The following LIPH variants were observed in gnomAD, a reference collection of about 807,000 sequenced individuals.
LIPH encodes lipase H.
In LIPH, 32 loss-of-function variants were observed where a neutral mutation model predicts 47.6. That is an observed-to-expected ratio of 0.67 (90% CI 0.51 to 0.90). The LOEUF is 0.90. Ranked by LOEUF, LIPH falls within the 40% of genes least tolerant of loss-of-function variation. The pLI, the probability that LIPH is intolerant of heterozygous loss-of-function variation, is 0.00. For missense variants in LIPH, 497 were observed against 541.4 expected (o/e 0.92, Z 0.81); for synonymous variants, 190 against 195.6 (o/e 0.97, Z 0.24).
In LIPH at chr3:185,535,073, T is replaced by C. The variant is rs1560167771; in HGVS notation, c.109A>G (p.Thr37Ala). ...AGCATCAGCCTCACATTTAGTCCCG[T>C]ACCAACCACTGCACTGTGAAAGCTC... ...RLSFHSAVVG[T>A]GLNVRLMLYT... is the part of the protein sequence containing the mutation. Residue 37 changes from threonine (T) to alanine (A), a missense_variant, in exon 2 of 10, where the codon ACG becomes GCG. Transcript: ENST00000296252. 1.2e-6 allele frequency: 2 copies of C among 1,614,074 alleles called. No individual in the cohort carries two copies. Among genetic ancestry groups the C allele is most frequent in the Non-Finnish European group, 8.5e-7 (1 of 1,179,996 alleles).
chr3:185,535,101 C>G lies in LIPH; in HGVS notation c.81G>C (p.Arg27Ser). Residue 27 changes from arginine (R) to serine (S), a missense_variant, in exon 2 of 10, where the codon AGG becomes AGC. Coordinates refer to ENST00000296252, the MANE Select transcript of LIPH (RefSeq NM_139248.3). ...DAEETCPSFT[R>S]LSFHSAVVGT... Reference sequence around the variant, plus strand: ...CAACCACTGCACTGTGAAAGCTCAGCCTGGTGAATGAAGGACATGTTTCTT... The same window carrying G: ...CAACCACTGCACTGTGAAAGCTCAGGCTGGTGAATGAAGGACATGTTTCTT... 2 of 1,614,166 alleles carry G rather than the reference C, an allele frequency of 1.2e-6. No homozygotes were observed. Among genetic ancestry groups the G allele is most frequent in the Non-Finnish European group, 1.7e-6 (2 of 1,180,040 alleles).
chr3:185,539,404 C>A (rs111983228), intron 1 of LIPH, among the ~76,000 whole-genome samples: 1,426 of 142,454 alleles, frequency 0.01, 26 homozygotes, highest in African/African-American at 0.035. Context: ...CAGTTTCAGT[C>A]TGTTGCCCAG....
intron 3 of LIPH, 28 bp downstream of exon 3, chr3:185,533,543 C>A (rs908035917): frequency 2.8e-5 from 42 of 1,478,452 alleles, no homozygotes; most frequent in Non-Finnish European, 4.0e-5. Context: ...CCCAGGCTAC[C>A]AACCCATGCC....
At position 185,522,623 on chromosome 3, in the gene LIPH, G is replaced by GAAGGA. The variant is rs1230704037; in HGVS notation, c.718+1447_718+1448insTCCTT. On this transcript the variant is annotated intron_variant, in intron 5 of 9. Coordinates refer to ENST00000296252, the MANE Select transcript of LIPH (RefSeq NM_139248.3). ...AAGAAGGAAGGGAGGGAGAGAGAAA[G>GAAGGA]AAAGAAGGAAAAGAAAGAGAGAAAG... 7.7e-5 allele frequency among the ~76,000 whole-genome samples: 10 copies of GAAGGA among 130,656 alleles called. No homozygotes were observed. The South Asian group carries it at 1.9e-3, about 24-fold the overall frequency. 85.7% of individuals were successfully genotyped at this position (130,656 alleles called of 152,430 possible).
intron 7 of LIPH, among the ~76,000 whole-genome samples, chr3:185,516,629 G>T (rs1468174530): frequency 6.6e-6 from 1 of 152,082 alleles, no homozygotes; most frequent in Non-Finnish European, 1.5e-5. Flanking sequence ...TTGCTTTAGA[G>T]CTGGAACTGA....
intron 5 of LIPH, among the ~76,000 whole-genome samples, chr3:185,523,473 C>G (rs1414650278): frequency 6.6e-6 from 1 of 152,112 alleles, no homozygotes; most frequent in Non-Finnish European, 1.5e-5. Context: ...GGCATGATCA[C>G]GGCTCACTGC....
intron 1 of LIPH, among the ~76,000 whole-genome samples, chr3:185,543,978 G>C (rs1720792229): frequency 6.6e-6 from 1 of 150,780 alleles, no homozygotes; most frequent in Non-Finnish European, 1.5e-5. Context: ...AGCCTCCCAT[G>C]TAGCTGAGAT....
intron 1 of LIPH, among the ~76,000 whole-genome samples, chr3:185,542,143 T>C (rs1185415185): frequency 6.6e-6 from 1 of 152,154 alleles, no homozygotes; most frequent in Non-Finnish European, 1.5e-5. Flanking sequence ...TGAACATGTG[T>C]AGAGTGGCGA....
At chr3:185,522,439 AAAGGAAGG>A (rs147923310) in intron 5 of LIPH, among the ~76,000 whole-genome samples, 6 of 151,480 alleles carry the variant, frequency 4.0e-5, no homozygotes, top group Admixed American at 6.6e-5. Flanking sequence ...GAAAGAAGAG[AAAGGAAGG>A]AAGGAAGGAA....
chr3:185,539,420 A>T (rs1720632196), intron 1 of LIPH, among the ~76,000 whole-genome samples: 2 of 147,136 alleles, frequency 1.4e-5, no homozygotes, highest in Non-Finnish European at 3.0e-5. Flanking sequence ...CCCAGGCTGG[A>T]GTGCAGTGGC....
At chr3:185,537,276 A>C (rs777187403) in intron 1 of LIPH, among the ~76,000 whole-genome samples, 2 of 152,192 alleles carry the variant, frequency 1.3e-5, no homozygotes, top group African/African-American at 2.4e-5. Flanking sequence ...CAGGTAGATA[A>C]ATAATCAGTG....
At chr3:185,545,650 G>A (rs904842424) in intron 1 of LIPH, among the ~76,000 whole-genome samples, 2 of 152,094 alleles carry the variant, frequency 1.3e-5, no homozygotes, top group African/African-American at 4.8e-5. Context: ...ACTTTGGGAG[G>A]GTCCCTTGAC....
At chr3:185,514,729 G>C (rs568274977) in intron 7 of LIPH, among the ~76,000 whole-genome samples, 2 of 152,222 alleles carry the variant, frequency 1.3e-5, no homozygotes, top group African/African-American at 4.8e-5. Flanking sequence ...AGAGTTCATT[G>C]GTTTCCAGTC....
At chr3:185,543,487 A>C (rs779863030) in intron 1 of LIPH, among the ~76,000 whole-genome samples, 15 of 152,212 alleles carry the variant, frequency 9.9e-5, no homozygotes, top group Non-Finnish European at 1.6e-4. Flanking sequence ...GCTTGCAGAA[A>C]ACTAACCTTG....
intron 3 of LIPH, 70 bp downstream of exon 3, chr3:185,533,501 G>T: frequency 1.0e-6 from 1 of 979,976 alleles, no homozygotes; most frequent in Non-Finnish European, 1.7e-6. Flanking sequence ...AGTTGGATTG[G>T]CCTACATAAT....
chr3:185,552,368 C>T lies in LIPH; in HGVS notation c.49+55G>A, dbSNP rs137902753. The T allele has an allele frequency of 3.4e-5, 41 of 1,212,286 alleles. No homozygotes were observed. In the African/African-American group the frequency reaches 4.9e-4, roughly 15 times the overall value. The allele number at this position is 1,212,286 out of a possible 1,614,324, so 75.1% of individuals were successfully genotyped here. A position where few individuals can be genotyped will look rare whatever the true frequency, so the allele number is the denominator to read the frequency against. On this transcript the variant is annotated intron_variant, in intron 1 of 9. Transcript: ENST00000296252. Reference sequence around the variant, plus strand: ...GGAATGATGACATGCAAAATGACAACACAACTAATTCTATTTTTTAAGCAG... The same window carrying T: ...GGAATGATGACATGCAAAATGACAATACAACTAATTCTATTTTTTAAGCAG...
At chr3:185,511,429 TAG>T in intron 9 of LIPH, 93 bp downstream of exon 9, 3 of 1,122,922 alleles carry the variant, frequency 2.7e-6, no homozygotes, top group Middle Eastern at 2.1e-4. Context: ...TTGTGAATAA[TAG>T]AGTCTTATTA....
At position 185,519,402 on chromosome 3, in the gene LIPH, G is replaced by A. The variant is rs578148986; in HGVS notation, c.719-93C>T. ...TCTATACACACACAATTTCTCATCTGGCCCTGCGCTCTTTCAGTGTATTTT... is the reference window on the plus strand; with the variant it reads ...TCTATACACACACAATTTCTCATCTAGCCCTGCGCTCTTTCAGTGTATTTT... On this transcript the variant is annotated intron_variant, in intron 5 of 9. Transcript: ENST00000296252. 156 of 806,272 alleles carry A rather than the reference G, an allele frequency of 1.9e-4. 1 individual carries two copies. In the African/African-American group the frequency reaches 2.3e-3, roughly 12 times the overall value. The allele number at this position is 806,272 out of a possible 1,614,324, so 49.9% of individuals were successfully genotyped here. A position where few individuals can be genotyped will look rare whatever the true frequency, so the allele number is the denominator to read the frequency against.
In LIPH at chr3:185,511,752, C is replaced by G. The variant is rs190557965; in HGVS notation, c.1095-55G>C. The G allele has an allele frequency of 6.7e-5, 89 of 1,325,268 alleles. 1 individual carries two copies. The African/African-American group carries it at 7.9e-4, about 12-fold the overall frequency. 82.1% of individuals were successfully genotyped at this position (1,325,268 alleles called of 1,614,324 possible). Reference sequence around the variant, plus strand: ...GATAAAGACTACTAATGAGAGAAAGCAGTTTTGAAGCCTGCAAGTCACTGG... The same window carrying G: ...GATAAAGACTACTAATGAGAGAAAGGAGTTTTGAAGCCTGCAAGTCACTGG... On this transcript the variant is annotated intron_variant, in intron 8 of 9. Coordinates refer to ENST00000296252, the MANE Select transcript of LIPH (RefSeq NM_139248.3).
Sources: gnomAD v4.1 joint callset for allele counts (sites outside exome capture counted in the v4.1 genomes callset) on GRCh38, gnomAD v4.1.1 for gene constraint, MANE v1.5 for transcripts, NCBI Gene and HGNC (gene_info 2026-07-23, HGNC 2026-07-21) for gene names.